Variants in PCDH15 observed in about 807,000 individuals in gnomAD.
PCDH15 encodes protocadherin related 15.
PCDH15 carries 129 observed loss-of-function variants against 178.5 expected under a neutral mutation model. The observed-to-expected ratio is 0.72, with a 90% CI of 0.63 to 0.84. The LOEUF (loss-of-function observed/expected upper bound fraction) is 0.84, where lower values mean the gene tolerates loss of function less well. Ranked by LOEUF, PCDH15 falls within the 40% of genes least tolerant of loss-of-function variation. PCDH15 has a pLI of 0.00. For synonymous variants in PCDH15, 800 were observed against 732.0 expected, an observed-to-expected ratio of 1.09 and a Z score of -1.50; for missense variants, 2,230 against 2,099.9, an observed-to-expected ratio of 1.06 and a Z score of -1.21.
chr10:55,338,211 TA>T (rs1435256366), intron 2 of PCDH15, among the ~76,000 whole-genome samples: 1 of 152,094 alleles, frequency 6.6e-6, no homozygotes, highest in African/African-American at 2.4e-5. Context: ...GGTGGGAATG[TA>T]AGTTAGTACA....
At chr10:55,421,075 T>C (rs1222804056) in intron 2 of PCDH15, among the ~76,000 whole-genome samples, 1 of 150,324 alleles carries the variant, frequency 6.7e-6, no homozygotes, top group Non-Finnish European at 1.5e-5. Context: ...CCTAAGATAG[T>C]TGCAAAGAGG....
At chr10:55,270,939 T>C (rs950535635) in intron 1 of PCDH15, among the ~76,000 whole-genome samples, 3 of 152,108 alleles carry the variant, frequency 2.0e-5, no homozygotes, top group African/African-American at 7.2e-5. Flanking sequence ...ACGTACACCA[T>C]GGAACACTGT....
intron 1 of PCDH15, among the ~76,000 whole-genome samples, chr10:54,718,648 CAG>C (rs1005216449): frequency 6.7e-6 from 1 of 148,274 alleles, no homozygotes; most frequent in African/African-American, 2.5e-5. Context: ...GTATGAAAAA[CAG>C]AGTGCCACAA....
chr10:55,453,361 G>A (rs1183914089), intron 2 of PCDH15, among the ~76,000 whole-genome samples: 1 of 152,132 alleles, frequency 6.6e-6, no homozygotes, highest in African/African-American at 2.4e-5. Flanking sequence ...CATAGCACCT[G>A]TACATGCATG....
intron 25 of PCDH15, among the ~76,000 whole-genome samples, chr10:53,929,512 A>AT (rs1186631494): frequency 5.3e-5 from 8 of 152,122 alleles, no homozygotes; most frequent in Admixed American, 3.9e-4. Flanking sequence ...CATTCCTGGG[A>AT]TTTTAGGACT....
intron 16 of PCDH15, among the ~76,000 whole-genome samples, chr10:54,087,581 T>C (rs1052143797): frequency 6.6e-6 from 1 of 152,248 alleles, no homozygotes; most frequent in African/African-American, 2.4e-5. Flanking sequence ...TTTCCACTTT[T>C]GTACCATTGT....
chr10:55,124,887 C>T (rs1184742325), intron 2 of PCDH15, among the ~76,000 whole-genome samples: 1 of 151,920 alleles, frequency 6.6e-6, no homozygotes, highest in Non-Finnish European at 1.5e-5. Flanking sequence ...GATCATATGA[C>T]ACAATAGAGG....
chr10:54,171,198 T>C (rs914149661), intron 13 of PCDH15, among the ~76,000 whole-genome samples: 3 of 152,028 alleles, frequency 2.0e-5, no homozygotes, highest in Non-Finnish European at 4.4e-5. Context: ...CCAAGCAGTT[T>C]TTCAGGCTCT....
At chr10:54,936,272 C>G (rs1837905562) in intron 2 of PCDH15, among the ~76,000 whole-genome samples, 2 of 152,076 alleles carry the variant, frequency 1.3e-5, no homozygotes, top group Admixed American at 1.3e-4. Context: ...TTATATATGT[C>G]CATTCATTAG....
At chr10:54,317,195 C>T in intron 8 of PCDH15, 76 bp downstream of exon 8, 1 of 1,489,766 alleles carries the variant, frequency 6.7e-7, no homozygotes, top group Non-Finnish European at 9.3e-7. Context: ...AATTATATGT[C>T]TACAAAATAC....
intron 2 of PCDH15, among the ~76,000 whole-genome samples, chr10:55,375,869 G>T (rs867389921): frequency 1.3e-5 from 2 of 151,826 alleles, no homozygotes; most frequent in African/African-American, 2.4e-5. Context: ...AATATGATTA[G>T]ATATACTGTT....
At chr10:55,262,575 G>A (rs1842173885) in intron 1 of PCDH15, among the ~76,000 whole-genome samples, 1 of 152,154 alleles carries the variant, frequency 6.6e-6, no homozygotes, top group Non-Finnish European at 1.5e-5. Flanking sequence ...GATGCCGGCA[G>A]GCCATCGACC....
chr10:53,923,602 A>G (rs1319687492), intron 25 of PCDH15, among the ~76,000 whole-genome samples: 2 of 152,204 alleles, frequency 1.3e-5, no homozygotes, highest in Admixed American at 6.5e-5. Context: ...GAAATCTTCT[A>G]CCTACTTAAT....
chr10:54,905,463 G>A (rs1166362361), intron 2 of PCDH15, among the ~76,000 whole-genome samples: 1 of 152,052 alleles, frequency 6.6e-6, no homozygotes, highest in Non-Finnish European at 1.5e-5. Flanking sequence ...ATAGAATCAT[G>A]CATTTATGAA....
chr10:54,274,387 C>T (rs375593331), intron 8 of PCDH15, among the ~76,000 whole-genome samples: 5 of 151,930 alleles, frequency 3.3e-5, no homozygotes, highest in African/African-American at 7.3e-5. Flanking sequence ...TTTTACAAAG[C>T]GCTTTTCATC....
intron 2 of PCDH15, among the ~76,000 whole-genome samples, chr10:55,106,248 T>C (rs1842672021): frequency 6.6e-6 from 1 of 152,172 alleles, no homozygotes; most frequent in Admixed American, 6.6e-5. Flanking sequence ...TGGAAAATAC[T>C]ATAAATCAGA....
At chr10:54,552,691 C>A (rs529090509) in intron 2 of PCDH15, among the ~76,000 whole-genome samples, 1 of 152,166 alleles carries the variant, frequency 6.6e-6, no homozygotes, top group African/African-American at 2.4e-5. Flanking sequence ...AAAAGAGTAT[C>A]TAGTGGATGG....
chr10:53,823,352 G>GA (rs1554821135), intron 32 of PCDH15: 1 of 1,612,454 alleles, frequency 6.2e-7, no homozygotes, highest in Admixed American at 1.7e-5. Context: ...GGTAGAGAAG[G>GA]AAAAGACTTG....
At chr10:54,628,602 G>T (rs570086929) in intron 2 of PCDH15, among the ~76,000 whole-genome samples, 11 of 152,204 alleles carry the variant, frequency 7.2e-5, no homozygotes, top group African/African-American at 2.6e-4. Flanking sequence ...TTGAAATACG[G>T]ATGCAAAATT....
Sources: allele counts gnomAD v4.1 joint callset (sites outside exome capture counted in the v4.1 genomes callset), GRCh38; gene constraint gnomAD v4.1.1; transcripts MANE v1.5; gene names NCBI Gene and HGNC (gene_info 2026-07-23, HGNC 2026-07-21).